Variants in B3GALT1 observed in about 807,000 individuals in gnomAD.
B3GALT1 encodes the protein UDP-Gal:betaGlcNAc beta 1,3-galactosyltransferase, polypeptide 1.
A neutral mutation model predicts 23.2 loss-of-function variants in B3GALT1; 10 were observed. The observed-to-expected ratio is 0.43, with a 90% CI of 0.27 to 0.73. The LOEUF (loss-of-function observed/expected upper bound fraction) is 0.73. B3GALT1 is among the 30% of genes least tolerant of loss of function. The pLI is 0.21. For synonymous variants in B3GALT1, 156 were observed against 141.5 expected (o/e 1.10, Z -0.73); for missense variants, 299 against 405.4 (o/e 0.74, Z 2.25).
chr2:167,344,685 G>A (rs116704511), intron 1 of B3GALT1, among the ~76,000 whole-genome samples: 1,759 of 152,294 alleles, frequency 0.012, 35 homozygotes, highest in African/African-American at 0.039. Context: ...GAGCTCTGGT[G>A]TGGCAAGCGT....
chr2:167,771,007 G>T (rs920750158), intron 3 of B3GALT1, among the ~76,000 whole-genome samples: 2 of 152,176 alleles, frequency 1.3e-5, no homozygotes, highest in African/African-American at 4.8e-5. Context: ...TTATTATTTA[G>T]CATTGTGTAG....
At chr2:167,454,084 GTATTTGTA>G (rs370222345) in intron 1 of B3GALT1, among the ~76,000 whole-genome samples, 25 of 152,084 alleles carry the variant, frequency 1.6e-4, no homozygotes, top group East Asian at 7.7e-4. Context: ...TGTCTAGGTT[GTATTTGTA>G]TATTTGTATA....
chr2:167,615,503 A>G (rs1685145018), intron 2 of B3GALT1, among the ~76,000 whole-genome samples: 1 of 150,988 alleles, frequency 6.6e-6, no homozygotes, highest in African/African-American at 2.4e-5. Flanking sequence ...ATAATAATGT[A>G]TTGTATGCTT....
At chr2:167,723,642 T>C (rs1223375523) in intron 3 of B3GALT1, among the ~76,000 whole-genome samples, 1 of 152,078 alleles carries the variant, frequency 6.6e-6, no homozygotes, top group African/African-American at 2.4e-5. Context: ...GCAATTCTCC[T>C]GTCTTAGCCC....
intron 3 of B3GALT1, among the ~76,000 whole-genome samples, chr2:167,723,292 G>A (rs1687261219): frequency 6.6e-6 from 1 of 152,194 alleles, no homozygotes; most frequent in Non-Finnish European, 1.5e-5. Flanking sequence ...GATTATTGAT[G>A]CAGTCTTCTC....
intron 2 of B3GALT1, among the ~76,000 whole-genome samples, chr2:167,594,123 G>A (rs1442985286): frequency 6.6e-6 from 1 of 152,184 alleles, no homozygotes; most frequent in Admixed American, 6.5e-5. Flanking sequence ...AAGAGGATTG[G>A]AAGAATAGGG....
At chr2:167,311,016 T>G (rs2105486068) in intron 1 of B3GALT1, among the ~76,000 whole-genome samples, 1 of 152,258 alleles carries the variant, frequency 6.6e-6, no homozygotes, top group Non-Finnish European at 1.5e-5. Flanking sequence ...CTAAGGCAAC[T>G]TATCAATAAT....
chr2:167,866,157 C>G (rs1005017832), intron 4 of B3GALT1, among the ~76,000 whole-genome samples: 14 of 152,174 alleles, frequency 9.2e-5, no homozygotes, highest in Non-Finnish European at 1.8e-4. Context: ...GTGAACTTGC[C>G]ATAGCATCTT....
chr2:167,446,572 C>CT (rs1452313761), intron 1 of B3GALT1, among the ~76,000 whole-genome samples: 9 of 152,132 alleles, frequency 5.9e-5, no homozygotes, highest in Non-Finnish European at 8.8e-5. Context: ...TCTTTTTACT[C>CT]TTTTTTCTCT....
At chr2:167,614,835 A>G (rs1232611565) in intron 2 of B3GALT1, among the ~76,000 whole-genome samples, 2 of 151,640 alleles carry the variant, frequency 1.3e-5, no homozygotes, top group African/African-American at 4.8e-5. Context: ...AATAGAGACA[A>G]TTGGCCAAAA....
At chr2:167,783,818 C>T (rs1003853415) in intron 3 of B3GALT1, among the ~76,000 whole-genome samples, 1 of 152,178 alleles carries the variant, frequency 6.6e-6, no homozygotes, top group Non-Finnish European at 1.5e-5. Context: ...TTGCTGTGGT[C>T]ATTAACTTAC....
chr2:167,443,644 G>A (rs866450109), intron 1 of B3GALT1, among the ~76,000 whole-genome samples: 2 of 152,272 alleles, frequency 1.3e-5, no homozygotes, highest in African/African-American at 4.8e-5. Context: ...TTGTGAATGG[G>A]AGTTCACTCA....
At chr2:167,361,450 G>C (rs1024536150) in intron 1 of B3GALT1, among the ~76,000 whole-genome samples, 32 of 152,104 alleles carry the variant, frequency 2.1e-4, no homozygotes, top group Non-Finnish European at 3.8e-4. Flanking sequence ...AGGGGATCCA[G>C]CAAAAGCTGA....
At chr2:167,394,235 T>C (rs1453739576) in intron 1 of B3GALT1, among the ~76,000 whole-genome samples, 1 of 152,194 alleles carries the variant, frequency 6.6e-6, no homozygotes, top group Non-Finnish European at 1.5e-5. Flanking sequence ...AATTATGCCT[T>C]CTACTGATTT....
In B3GALT1 at chr2:167,656,087, C is replaced by T. The variant is rs145997695; in HGVS notation, c.-352+9121C>T. On this transcript the variant is annotated intron_variant, in intron 3 of 4. Transcript: ENST00000392690. ...GTCTAGTGGACTGAGATGGGGTGTC[C>T]TCTTCCCATCCCATAGACATTTTCC... 3.9e-5 allele frequency among the ~76,000 whole-genome samples: 6 copies of T among 152,228 alleles called. No homozygotes were observed. The East Asian group carries it at 9.7e-4, about 25-fold the overall frequency.
intron 1 of B3GALT1, among the ~76,000 whole-genome samples, chr2:167,296,623 G>T (rs971218142): frequency 6.6e-6 from 1 of 152,068 alleles, no homozygotes; most frequent in Non-Finnish European, 1.5e-5. Flanking sequence ...GAATATTCTC[G>T]TTCTCTTTAC....
chr2:167,833,530 C>T (rs1189485668), intron 4 of B3GALT1, among the ~76,000 whole-genome samples: 1 of 152,204 alleles, frequency 6.6e-6, no homozygotes, highest in East Asian at 1.9e-4. Context: ...CCCAAGGTAG[C>T]TATTTCCTGA....
At chr2:167,816,646 GT>G (rs1274468235) in intron 3 of B3GALT1, among the ~76,000 whole-genome samples, 1 of 151,906 alleles carries the variant, frequency 6.6e-6, no homozygotes, top group African/African-American at 2.4e-5. Flanking sequence ...TAATGTTTAT[GT>G]TTTTTTCCAC....
At chr2:167,784,987 G>C (rs1410374310) in intron 3 of B3GALT1, among the ~76,000 whole-genome samples, 1 of 152,156 alleles carries the variant, frequency 6.6e-6, no homozygotes, top group Non-Finnish European at 1.5e-5. Flanking sequence ...GGAAAGCATT[G>C]AAAGTGTCCA....
Sources: allele counts gnomAD v4.1 joint callset (sites outside exome capture counted in the v4.1 genomes callset), GRCh38; gene constraint gnomAD v4.1.1; transcripts MANE v1.5; gene names NCBI Gene and HGNC (gene_info 2026-07-23, HGNC 2026-07-21).